Variants in ADAMTS18 observed in about 807,000 individuals in gnomAD.
ADAMTS18 encodes ADAM metallopeptidase with thrombospondin type 1 motif 18, also known as A disintegrin and metalloproteinase with thrombospondin motifs 18.
In ADAMTS18, 157 loss-of-function variants were observed where a neutral mutation model predicts 165.9. The observed-to-expected ratio is 0.95, with a 90% CI of 0.83 to 1.08. The LOEUF (loss-of-function observed/expected upper bound fraction) is 1.08, where lower values mean the gene tolerates loss of function less well. Ranked by LOEUF, ADAMTS18 falls within the 50% of genes least tolerant of loss-of-function variation. ADAMTS18 has a pLI of 0.00. For synonymous variants in ADAMTS18, 782 were observed against 578.2 expected (o/e 1.35, Z -5.06); for missense variants, 2,040 against 1,534.0 (o/e 1.33, Z -5.51).
intron 10 of ADAMTS18, among the ~76,000 whole-genome samples, chr16:77,350,342 G>A (rs954605598): frequency 1.3e-5 from 2 of 152,142 alleles, no homozygotes; most frequent in Non-Finnish European, 2.9e-5. Context: ...CAGCCCCAGA[G>A]CCTTTACCAG....
chr16:77,302,666 A>T lies in ADAMTS18; in HGVS notation c.2533-2262T>A, dbSNP rs75127907. Among the ~76,000 whole-genome samples the T allele has an allele frequency of 3.1e-3, 470 of 152,338 alleles. 7 individuals carry two copies. The highest frequency in any genetic ancestry group is 0.011 in the African/African-American group (456 of 41,584). ...ACAGATCCCCAATAAAAACGCAAAG[A>T]AAATATAAAAGAACATTAGTTCTTG... On this transcript the variant is annotated intron_variant, in intron 16 of 22. Coordinates refer to ENST00000282849, the MANE Select transcript of ADAMTS18 (RefSeq NM_199355.4).
chr16:77,314,625 A>C (rs79277734), intron 16 of ADAMTS18, among the ~76,000 whole-genome samples: 1 of 132,524 alleles, frequency 7.5e-6, no homozygotes, highest in Non-Finnish European at 1.6e-5. Flanking sequence ...AAAAAAAAAA[A>C]TGTGTGTGTA....
At chr16:77,387,988 C>T (rs1044041010) in intron 3 of ADAMTS18, among the ~76,000 whole-genome samples, 6 of 152,132 alleles carry the variant, frequency 3.9e-5, no homozygotes, top group Admixed American at 1.3e-4. Context: ...TTACTGCTTC[C>T]TAGGATGGCA....
chr16:77,422,329 C>A (rs1441797903), intron 3 of ADAMTS18, among the ~76,000 whole-genome samples: 1 of 151,762 alleles, frequency 6.6e-6, no homozygotes, highest in African/African-American at 2.4e-5. Context: ...ACCGCAGATG[C>A]CAGGTACCCA....
intron 3 of ADAMTS18, among the ~76,000 whole-genome samples, chr16:77,415,103 C>G (rs929908097): frequency 6.6e-6 from 1 of 152,178 alleles, no homozygotes; most frequent in Non-Finnish European, 1.5e-5. Flanking sequence ...ATTGACAATG[C>G]TAGATGCCAT....
At chr16:77,312,533 C>T (rs891070708) in intron 16 of ADAMTS18, among the ~76,000 whole-genome samples, 9 of 152,124 alleles carry the variant, frequency 5.9e-5, no homozygotes, top group Non-Finnish European at 5.9e-5. Context: ...CCACCGCACT[C>T]GGCCGTCTCA....
chr16:77,364,123 G>A, intron 5 of ADAMTS18, 65 bp downstream of exon 5: 1 of 1,599,008 alleles, frequency 6.3e-7, no homozygotes, highest in Non-Finnish European at 8.6e-7. Flanking sequence ...TTCAACCCAT[G>A]CAAGAGAATT....
intron 6 of ADAMTS18, 101 bp from the exon 7 acceptor site, chr16:77,362,365 G>C: frequency 7.4e-7 from 1 of 1,346,012 alleles, no homozygotes; most frequent in Non-Finnish European, 1.1e-6. Context: ...TATTTCTAGG[G>C]AAAAAGATCA....
At chr16:77,319,538 T>A (rs1306186469) in intron 16 of ADAMTS18, among the ~76,000 whole-genome samples, 1 of 152,032 alleles carries the variant, frequency 6.6e-6, no homozygotes, top group East Asian at 1.9e-4. Context: ...GCCTCCTAGG[T>A]TCAAGCAATT....
chr16:77,297,766 A>G (rs939258057), intron 17 of ADAMTS18, among the ~76,000 whole-genome samples: 1 of 152,100 alleles, frequency 6.6e-6, no homozygotes, highest in Non-Finnish European at 1.5e-5. Flanking sequence ...TTCTTCAAAG[A>G]AAAACCATTC....
chr16:77,351,227 C>A (rs2056551157), intron 10 of ADAMTS18, among the ~76,000 whole-genome samples: 1 of 152,194 alleles, frequency 6.6e-6, no homozygotes, highest in African/African-American at 2.4e-5. Context: ...ACCACCCTAC[C>A]TTCTCCATTA....
intron 3 of ADAMTS18, among the ~76,000 whole-genome samples, chr16:77,388,708 G>A (rs1365897290): frequency 9.2e-5 from 14 of 152,166 alleles, no homozygotes; most frequent in East Asian, 1.9e-4. Flanking sequence ...GCTGCTTCAC[G>A]GTCTGAAAAT....
chr16:77,298,839 G>A (rs780703361), intron 17 of ADAMTS18, among the ~76,000 whole-genome samples: 5 of 152,166 alleles, frequency 3.3e-5, no homozygotes, highest in Non-Finnish European at 5.9e-5. Context: ...GAAGTTAACC[G>A]TTGACTTTAA....
chr16:77,415,913 C>A (rs1040475493), intron 3 of ADAMTS18, among the ~76,000 whole-genome samples: 1 of 152,016 alleles, frequency 6.6e-6, no homozygotes. Context: ...ATGTAACAAA[C>A]GTTTGAGTGC....
At position 77,364,000 on chromosome 16, in the gene ADAMTS18, T is replaced by C. The variant is rs935187280; in HGVS notation, c.973-115A>G. 2.5e-5 allele frequency: 31 copies of C among 1,226,212 alleles called. No homozygotes were observed. In the East Asian group the frequency reaches 4.7e-4, roughly 19 times the overall value. The allele number at this position is 1,226,212 out of a possible 1,614,324, so 76.0% of individuals were successfully genotyped here. A position where few individuals can be genotyped will look rare whatever the true frequency, so the allele number is the denominator to read the frequency against. On this transcript the variant is annotated intron_variant, in intron 5 of 22. Transcript: ENST00000282849. ...TTTAATTTTACCAAATATATGTACA[T>C]ATAAATACAATTTCCTCAAAACTCA... is the stretch of plus-strand genomic sequence containing the variant.
At chr16:77,434,366 G>C (rs1597271851) in intron 2 of ADAMTS18, 52 bp downstream of exon 2, 1 of 1,532,494 alleles carries the variant, frequency 6.5e-7, no homozygotes, top group Non-Finnish European at 8.8e-7. Context: ...GGGGAAGGAA[G>C]GGTCAAAGTG....
chr16:77,391,629 T>C (rs1269966849), intron 3 of ADAMTS18, among the ~76,000 whole-genome samples: 4 of 152,198 alleles, frequency 2.6e-5, no homozygotes, highest in Non-Finnish European at 5.9e-5. Flanking sequence ...TGAGATTCAA[T>C]TCATCTTCCT....
intron 13 of ADAMTS18, among the ~76,000 whole-genome samples, chr16:77,324,618 G>A (rs910229944): frequency 6.6e-6 from 1 of 152,114 alleles, no homozygotes. Context: ...GAAGAGCTAT[G>A]AAGAATAAAA....
intron 19 of ADAMTS18, 77 bp downstream of exon 19, chr16:77,294,846 C>T: frequency 7.3e-7 from 1 of 1,374,932 alleles, no homozygotes; most frequent in Non-Finnish European, 1.0e-6. Context: ...GCCAAGAGCC[C>T]AGTGGAGAGC....
Sources: allele counts gnomAD v4.1 joint callset (sites outside exome capture counted in the v4.1 genomes callset), GRCh38; gene constraint gnomAD v4.1.1; transcripts MANE v1.5; gene names NCBI Gene and HGNC (gene_info 2026-07-23, HGNC 2026-07-21).